Variants in CSMD3 observed in about 807,000 individuals in gnomAD.
CSMD3 encodes the protein CUB and Sushi multiple domains 3.
CSMD3 carries 177 observed loss-of-function variants against 435.2 expected under a neutral mutation model. That is an observed-to-expected ratio of 0.41 (90% CI 0.36 to 0.46). The LOEUF (loss-of-function observed/expected upper bound fraction) is 0.46, where lower values mean the gene tolerates loss of function less well. CSMD3 is among the 20% of genes least tolerant of loss of function. The pLI is 0.34. For missense variants in CSMD3, 4,265 were observed against 4,504.6 expected (o/e 0.95, Z 1.52); for synonymous variants, 1,656 against 1,520.5 (o/e 1.09, Z -2.07).
chr8:112,395,331 A>T (rs192879305), intron 35 of CSMD3, among the ~76,000 whole-genome samples: 43 of 152,276 alleles, frequency 2.8e-4, no homozygotes, highest in Non-Finnish European at 2.1e-4. Flanking sequence ...TAAATGAGAT[A>T]ATGCTTAATA....
At chr8:112,623,967 G>T (rs1287779482) in intron 22 of CSMD3, among the ~76,000 whole-genome samples, 1 of 151,962 alleles carries the variant, frequency 6.6e-6, no homozygotes, top group Non-Finnish European at 1.5e-5. Context: ...GATGTTAAGA[G>T]AGCTTAATGA....
At chr8:112,476,733 A>C (rs1819090532) in intron 31 of CSMD3, among the ~76,000 whole-genome samples, 1 of 152,220 alleles carries the variant, frequency 6.6e-6, no homozygotes, top group South Asian at 2.1e-4. Context: ...GCCTACTTAT[A>C]AATTGCCATT....
At chr8:113,032,406 C>A (rs2087151385) in intron 5 of CSMD3, among the ~76,000 whole-genome samples, 2 of 151,572 alleles carry the variant, frequency 1.3e-5, no homozygotes, top group South Asian at 4.2e-4. Flanking sequence ...AAAGGTTACT[C>A]TTGCTATGCT....
intron 32 of CSMD3, among the ~76,000 whole-genome samples, chr8:112,412,081 C>A (rs1811413549): frequency 6.6e-6 from 1 of 152,040 alleles, no homozygotes; most frequent in Non-Finnish European, 1.5e-5. Context: ...TCTAATTTAT[C>A]TATTAACCAT....
intron 7 of CSMD3, among the ~76,000 whole-genome samples, chr8:112,967,433 G>A (rs2084463990): frequency 6.6e-6 from 1 of 151,776 alleles, no homozygotes; most frequent in Non-Finnish European, 1.5e-5. Flanking sequence ...GGTGCACTGA[G>A]TACAAGAATT....
chr8:113,278,516 ATTC>A lies in CSMD3; in HGVS notation c.514+73_514+75del, dbSNP rs200714116. Reference sequence around the variant, plus strand: ...CAACATGATGTTGTCTCAAATGTTGATTCTTCTTTCCTACTTGAAAAATTTTGT... The same window carrying A: ...CAACATGATGTTGTCTCAAATGTTGATTCTTTCCTACTTGAAAAATTTTGT... On this transcript the variant is annotated intron_variant, in intron 3 of 70. Coordinates refer to ENST00000297405, the MANE Select transcript of CSMD3 (RefSeq NM_198123.2). 2.6e-3 allele frequency: 1,917 copies of A among 750,724 alleles called. 22 individuals are homozygous for A. The African/African-American group carries it at 0.028, about 11-fold the overall frequency. The allele number at this position is 750,724 out of a possible 1,614,324, so 46.5% of individuals were successfully genotyped here.
At chr8:113,383,532 G>A (rs927151211) in intron 1 of CSMD3, among the ~76,000 whole-genome samples, 1 of 152,116 alleles carries the variant, frequency 6.6e-6, no homozygotes, top group Non-Finnish European at 1.5e-5. Context: ...ATAAAGATAG[G>A]AGCACAATTC....
intron 67 of CSMD3, among the ~76,000 whole-genome samples, chr8:112,236,757 T>A (rs1229131433): frequency 6.6e-6 from 1 of 152,152 alleles, no homozygotes; most frequent in Non-Finnish European, 1.5e-5. Context: ...TTTAAACAAG[T>A]GTAGCTCTAT....
In CSMD3 at chr8:112,263,831, T is replaced by C. The variant is rs753344251; in HGVS notation, c.9689-19A>G. 3.1e-6 allele frequency: 5 copies of C among 1,604,900 alleles called. No individual in the cohort carries two copies. Among genetic ancestry groups the C allele is most frequent in the Non-Finnish European group, 4.3e-6 (5 of 1,171,848 alleles). On this transcript the variant is annotated intron_variant, in intron 60 of 70. Coordinates refer to ENST00000297405, the MANE Select transcript of CSMD3 (RefSeq NM_198123.2). ...GTAACAGCTGCAATTACATTAAAAG[T>C]GATTAGACACAGCTGTTGAAATATC...
chr8:112,305,016 C>G (rs2130781159), intron 51 of CSMD3, 101 bp from the exon 52 acceptor site: 9 of 828,882 alleles, frequency 1.1e-5, no homozygotes, highest in South Asian at 8.6e-5. Flanking sequence ...TACTCTTGCA[C>G]TATACAAGGT....
At position 112,449,110 on chromosome 8, in the gene CSMD3, G is replaced by T. The variant is rs186344118; in HGVS notation, c.5395+23481C>A. Among the ~76,000 whole-genome samples, 263 of 152,068 alleles carry T rather than the reference G, an allele frequency of 1.7e-3. 6 individuals carry two copies. In the East Asian group the frequency reaches 0.041, roughly 24 times the overall value. On this transcript the variant is annotated intron_variant, in intron 32 of 70. Coordinates refer to ENST00000297405, the MANE Select transcript of CSMD3 (RefSeq NM_198123.2). ...CATTCTCAATCTACACGATTTGGGT[G>T]AGAATGGTTCTATATCCAAGCCAGC...
chr8:113,244,904 C>T (rs2093259939), intron 3 of CSMD3, among the ~76,000 whole-genome samples: 1 of 151,982 alleles, frequency 6.6e-6, no homozygotes, highest in Non-Finnish European at 1.5e-5. Context: ...GTTGAATTCA[C>T]CAACTAATTT....
At chr8:112,973,407 A>C (rs1326162578) in intron 7 of CSMD3, among the ~76,000 whole-genome samples, 1 of 151,900 alleles carries the variant, frequency 6.6e-6, no homozygotes, top group Non-Finnish European at 1.5e-5. Flanking sequence ...TCATTTTACA[A>C]AATCTATCTT....
At chr8:112,960,117 CTT>C (rs981218929) in intron 7 of CSMD3, among the ~76,000 whole-genome samples, 1 of 150,974 alleles carries the variant, frequency 6.6e-6, no homozygotes, top group African/African-American at 2.4e-5. Context: ...ATAAAGATGA[CTT>C]TTTTTTGTTT....
chr8:113,025,382 C>T (rs2086838984), intron 5 of CSMD3, among the ~76,000 whole-genome samples: 1 of 152,146 alleles, frequency 6.6e-6, no homozygotes, highest in South Asian at 2.1e-4. Context: ...TAATTCGCAT[C>T]AGCAATGTCT....
chr8:113,135,511 A>G (rs956049187), intron 4 of CSMD3, among the ~76,000 whole-genome samples: 4 of 151,854 alleles, frequency 2.6e-5, no homozygotes, highest in African/African-American at 7.2e-5. Flanking sequence ...TGAGTAGACT[A>G]TAGTTCTAAC....
At chr8:112,742,155 C>T (rs1223657181) in intron 13 of CSMD3, among the ~76,000 whole-genome samples, 4 of 151,874 alleles carry the variant, frequency 2.6e-5, no homozygotes, top group African/African-American at 9.7e-5. Flanking sequence ...CACACACAAA[C>T]GCTAAGGTAG....
chr8:113,408,288 C>A (rs560289709), intron 1 of CSMD3, among the ~76,000 whole-genome samples: 7 of 151,998 alleles, frequency 4.6e-5, no homozygotes, highest in African/African-American at 1.4e-4. Flanking sequence ...CAGTTACAGA[C>A]AATCATAATG....
intron 3 of CSMD3, among the ~76,000 whole-genome samples, chr8:113,199,495 T>C (rs1380214912): frequency 6.6e-6 from 1 of 151,842 alleles, no homozygotes; most frequent in Non-Finnish European, 1.5e-5. Flanking sequence ...TTATAAGCTC[T>C]ATTTAATAAC....
Sources: allele counts gnomAD v4.1 joint callset (sites outside exome capture counted in the v4.1 genomes callset), GRCh38; gene constraint gnomAD v4.1.1; transcripts MANE v1.5; gene names NCBI Gene and HGNC (gene_info 2026-07-23, HGNC 2026-07-21).